NOL4: variants seen among roughly 807,000 people sequenced by gnomAD.
NOL4 encodes the protein cancer/testis antigen 125.
A neutral mutation model predicts 75.9 loss-of-function variants in NOL4; 17 were observed. The observed-to-expected ratio is 0.22, with a 90% CI of 0.15 to 0.34. The LOEUF (loss-of-function observed/expected upper bound fraction) is 0.34, where lower values mean the gene tolerates loss of function less well. NOL4 is among the 10% of genes least tolerant of loss of function. The pLI, the probability that NOL4 is intolerant of heterozygous loss-of-function variation, is 1.00. For synonymous variants in NOL4, 292 were observed against 289.9 expected (o/e 1.01, Z -0.07); for missense variants, 614 against 793.5 (o/e 0.77, Z 2.72).
Position 34,166,873 on chromosome 18 carries a change from T to TA in NOL4, c.265-36854dup, listed in dbSNP as rs1438240167. ...TAACAAGGTGAAACCCCGTCTCTAC[T>TA]AAAAAATACAAAAAATTAGCCGGGC... On this transcript the variant is annotated intron_variant, in intron 1 of 10. Transcript: ENST00000261592. 3.6e-5 allele frequency among the ~76,000 whole-genome samples: 3 copies of TA among 83,242 alleles called. 1 individual carries two copies. Among genetic ancestry groups the TA allele is most frequent in the Non-Finnish European group, 7.7e-5 (3 of 38,792 alleles). 54.6% of individuals were successfully genotyped at this position (83,242 alleles called of 152,430 possible).
At chr18:33,937,323 C>T (rs889663741) in intron 9 of NOL4, among the ~76,000 whole-genome samples, 1 of 152,036 alleles carries the variant, frequency 6.6e-6, no homozygotes, top group East Asian at 1.9e-4. Flanking sequence ...ATCCATACCA[C>T]CTCTCATGTT....
chr18:33,896,569 G>A (rs1157745946), intron 9 of NOL4, among the ~76,000 whole-genome samples: 1 of 152,090 alleles, frequency 6.6e-6, no homozygotes, highest in Non-Finnish European at 1.5e-5. Context: ...GGGATAATTG[G>A]CTAGTCATAT....
chr18:34,148,191 G>A (rs1200048604), intron 1 of NOL4, among the ~76,000 whole-genome samples: 2 of 151,698 alleles, frequency 1.3e-5, no homozygotes, highest in African/African-American at 4.8e-5. Flanking sequence ...TTTTTTGAAG[G>A]GGTTTCCTTG....
chr18:34,182,718 T>A (rs895858783), intron 1 of NOL4, among the ~76,000 whole-genome samples: 14 of 151,654 alleles, frequency 9.2e-5, no homozygotes, highest in African/African-American at 3.1e-4. Context: ...AGGATTTTTT[T>A]TAAAAAAATT....
At chr18:34,145,003 T>C (rs2146032737) in intron 1 of NOL4, among the ~76,000 whole-genome samples, 1 of 152,236 alleles carries the variant, frequency 6.6e-6, no homozygotes, top group East Asian at 1.9e-4. Context: ...CCTGAACTTC[T>C]TCCTAACTCC....
intron 9 of NOL4, among the ~76,000 whole-genome samples, chr18:33,920,080 G>T (rs887578903): frequency 6.6e-6 from 1 of 151,812 alleles, no homozygotes; most frequent in African/African-American, 2.4e-5. Context: ...ATCTATCATT[G>T]ATTTTAGATT....
intron 8 of NOL4, among the ~76,000 whole-genome samples, chr18:33,949,588 C>T (rs948620823): frequency 1.3e-4 from 20 of 152,138 alleles, no homozygotes; most frequent in African/African-American, 4.8e-4. Context: ...GAGCAGCAAA[C>T]CCCTGAAATT....
At chr18:34,122,880 T>A in intron 2 of NOL4, among the ~76,000 whole-genome samples, 1 of 152,122 alleles carries the variant, frequency 6.6e-6, no homozygotes, top group Admixed American at 6.6e-5. Flanking sequence ...TGAGTGAGAA[T>A]CACCCACTAG....
intron 10 of NOL4, among the ~76,000 whole-genome samples, chr18:33,857,102 G>A (rs576842235): frequency 1.3e-5 from 2 of 151,974 alleles, no homozygotes; most frequent in South Asian, 4.2e-4. Flanking sequence ...AATTCTATTA[G>A]ATCCTTCTCC....
At chr18:34,148,002 T>C (rs143319639) in intron 1 of NOL4, among the ~76,000 whole-genome samples, 2,871 of 152,246 alleles carry the variant, frequency 0.019, 97 homozygotes, top group African/African-American at 0.065. Context: ...CTTATTTACA[T>C]AGAGGTGTTT....
intron 4 of NOL4, among the ~76,000 whole-genome samples, chr18:34,096,726 G>GACCATAGTAATTC (rs2078803183): frequency 6.6e-6 from 1 of 152,098 alleles, no homozygotes; most frequent in African/African-American, 2.4e-5. Context: ...CATGGCCAGA[G>GACCATAGTAATTC]ACCATAGTAA....
At chr18:33,944,188 C>G (rs370412620) in intron 8 of NOL4, among the ~76,000 whole-genome samples, 1 of 151,750 alleles carries the variant, frequency 6.6e-6, no homozygotes, top group African/African-American at 2.4e-5. Context: ...AAGCCTCAAA[C>G]GAAAATATGT....
chr18:34,035,478 A>G (rs780198633), intron 5 of NOL4, among the ~76,000 whole-genome samples: 21 of 152,166 alleles, frequency 1.4e-4, no homozygotes, highest in Non-Finnish European at 2.8e-4. Flanking sequence ...CTAAGAGGGA[A>G]TATTATAGCA....
intron 5 of NOL4, among the ~76,000 whole-genome samples, chr18:34,080,790 G>T (rs547008663): frequency 6.6e-6 from 1 of 152,264 alleles, no homozygotes; most frequent in South Asian, 2.1e-4. Context: ...ATGGCAAAAA[G>T]AAGCACAGTT....
intron 2 of NOL4, among the ~76,000 whole-genome samples, chr18:34,116,921 T>C (rs2079887754): frequency 6.6e-6 from 1 of 152,158 alleles, no homozygotes; most frequent in African/African-American, 2.4e-5. Flanking sequence ...TCTAAGTTAT[T>C]CAATAAAAAG....
chr18:34,004,867 T>C (rs1263744627), intron 6 of NOL4, among the ~76,000 whole-genome samples: 1 of 152,082 alleles, frequency 6.6e-6, no homozygotes, highest in African/African-American at 2.4e-5. Flanking sequence ...CTTTCAATAT[T>C]ACTTTATTGC....
At chr18:34,040,515 AC>A (rs2076095834) in intron 5 of NOL4, among the ~76,000 whole-genome samples, 1 of 152,006 alleles carries the variant, frequency 6.6e-6, no homozygotes, top group Non-Finnish European at 1.5e-5. Flanking sequence ...TTATTAATAT[AC>A]TTTATTAATC....
At chr18:33,880,817 G>A (rs1336639492) in intron 10 of NOL4, among the ~76,000 whole-genome samples, 1 of 144,864 alleles carries the variant, frequency 6.9e-6, no homozygotes, top group Admixed American at 7.0e-5. Context: ...CTCTAGTTGA[G>A]TTTTTTTTTT....
In NOL4 at chr18:34,020,313, C is replaced by T. The variant is rs2074964334; in HGVS notation, c.773-712G>A. On this transcript the variant is annotated intron_variant, in intron 5 of 10. Transcript: ENST00000261592. ...AAAAACAAAGAGAATTAAATAACTA[C>T]CAATTATTTTGCAAATTGTTTTTGT... Among the ~76,000 whole-genome samples the T allele has an allele frequency of 3.9e-5, 6 of 152,130 alleles. No individual in the cohort carries two copies. The South Asian group carries it at 1.2e-3, about 31-fold the overall frequency.
Sources: gnomAD v4.1 joint callset for allele counts (sites outside exome capture counted in the v4.1 genomes callset) on GRCh38, gnomAD v4.1.1 for gene constraint, MANE v1.5 for transcripts, NCBI Gene and HGNC (gene_info 2026-07-23, HGNC 2026-07-21) for gene names.